LEMD3: variants seen among roughly 807,000 people sequenced by gnomAD.
The protein encoded by LEMD3 is LEM domain containing 3, also known as inner nuclear membrane protein Man1.
LEMD3 carries 33 observed loss-of-function variants against 95.2 expected under a neutral mutation model. That is an observed-to-expected ratio of 0.35 (90% CI 0.26 to 0.46). The LOEUF (loss-of-function observed/expected upper bound fraction) is 0.46, where lower values mean the gene tolerates loss of function less well. Ranked by LOEUF, LEMD3 falls within the 20% of genes least tolerant of loss-of-function variation. LEMD3 has a pLI of 1.00. For missense variants in LEMD3, 1,210 were observed against 1,192.8 expected, an observed-to-expected ratio of 1.01 and a Z score of -0.21; for synonymous variants, 525 against 474.6, an observed-to-expected ratio of 1.11 and a Z score of -1.38.
intron 1 of LEMD3, among the ~76,000 whole-genome samples, chr12:65,206,645 A>G (rs188383519): frequency 4.1e-4 from 62 of 152,184 alleles, no homozygotes; most frequent in African/African-American, 1.3e-3. Flanking sequence ...AGAAGGGGAG[A>G]GTGAATAATC....
At chr12:65,180,251 A>G (rs2136318822) in intron 1 of LEMD3, among the ~76,000 whole-genome samples, 1 of 152,056 alleles carries the variant, frequency 6.6e-6, no homozygotes, top group Admixed American at 6.6e-5. Context: ...CTGCCCTAAC[A>G]TAGATTTTAA....
intron 1 of LEMD3, among the ~76,000 whole-genome samples, chr12:65,188,967 C>G (rs950761482): frequency 2.6e-5 from 4 of 152,088 alleles, no homozygotes; most frequent in Admixed American, 2.0e-4. Context: ...CAGTATGTTT[C>G]AAGACTCCCA....
At chr12:65,211,206 G>C (rs980452925) in intron 2 of LEMD3, among the ~76,000 whole-genome samples, 2 of 152,126 alleles carry the variant, frequency 1.3e-5, no homozygotes, top group Non-Finnish European at 2.9e-5. Context: ...CTTAAGAGCT[G>C]AACTGTTTAT....
intron 1 of LEMD3, among the ~76,000 whole-genome samples, chr12:65,208,853 T>G (rs921823443): frequency 6.6e-6 from 1 of 152,160 alleles, no homozygotes; most frequent in Non-Finnish European, 1.5e-5. Flanking sequence ...AGGTATGTTA[T>G]ACTCCAGGTA....
In LEMD3 at chr12:65,206,565, T is replaced by C. The variant is rs1869769903; in HGVS notation, c.1523-4361T>C. ...TAGTATGGTACTAAATCAGAAATTA[T>C]AATTTTTTTAAACTGATGCCATGTG... On this transcript the variant is annotated intron_variant, in intron 1 of 12. Transcript: ENST00000308330. Among the ~76,000 whole-genome samples, 4 of 152,294 alleles carry C rather than the reference T, an allele frequency of 2.6e-5. No individual in the cohort carries two copies. The South Asian group carries it at 8.3e-4, about 32-fold the overall frequency.
intron 4 of LEMD3, among the ~76,000 whole-genome samples, chr12:65,236,555 A>G (rs1010347481): frequency 7.2e-5 from 11 of 152,104 alleles, no homozygotes; most frequent in African/African-American, 2.4e-4. Context: ...TGTCTCAAAA[A>G]AAAAAAAAAT....
chr12:65,225,302 C>T (rs189117142), intron 4 of LEMD3, among the ~76,000 whole-genome samples: 21 of 152,084 alleles, frequency 1.4e-4, no homozygotes, highest in South Asian at 6.2e-4. Context: ...TGTTGGGATT[C>T]GTGCATTTAA....
intron 1 of LEMD3, among the ~76,000 whole-genome samples, chr12:65,176,611 A>T (rs998684411): frequency 1.3e-4 from 20 of 152,194 alleles, no homozygotes; most frequent in African/African-American, 4.8e-4. Context: ...TAATATTTCT[A>T]TAGGAGTAGA....
chr12:65,211,139 T>C (rs1869925514), intron 2 of LEMD3, among the ~76,000 whole-genome samples, 176 bp downstream of exon 2: 1 of 152,214 alleles, frequency 6.6e-6, no homozygotes, highest in Non-Finnish European at 1.5e-5. Context: ...AACAATAGGC[T>C]TTCTTATTCT....
At chr12:65,233,236 G>A (rs1041908700) in intron 4 of LEMD3, among the ~76,000 whole-genome samples, 1 of 152,102 alleles carries the variant, frequency 6.6e-6, no homozygotes, top group East Asian at 1.9e-4. Context: ...ATATTGTTCT[G>A]CCTCTTAAGT....
rs1592463491 is a variant in LEMD3 at position 65,240,823 on chromosome 12, G to T, written c.2127-86G>T. 38 of 1,162,958 alleles carry T rather than the reference G, an allele frequency of 3.3e-5. 1 individual carries two copies. In the East Asian group the frequency reaches 9.0e-4, roughly 28 times the overall value. 72.0% of individuals were successfully genotyped at this position (1,162,958 alleles called of 1,614,324 possible). On this transcript the variant is annotated intron_variant, in intron 8 of 12. Coordinates refer to ENST00000308330, the MANE Select transcript of LEMD3 (RefSeq NM_014319.5). The stretch of plus-strand genomic sequence containing the variant: ...CCATGAGTAGTGGTAAGAACAGCTA[G>T]AGTTAACTATTACCTCAGATACTAA...
chr12:65,246,156 C>A lies in LEMD3; in HGVS notation c.2573-6C>A, dbSNP rs1871098085. 6.3e-7 allele frequency: 1 copy of A among 1,598,236 alleles called. No individual in the cohort carries two copies. Among genetic ancestry groups the A allele is most frequent in the African/African-American group, 1.3e-5 (1 of 74,608 alleles). ...GATCTAAAATATTATTTTTATCTTA[C>A]AACAGGGAAATTGGTTACAGTAAAA... On this transcript the variant is annotated splice_region_variant and splice_polypyrimidine_tract_variant and intron_variant, in intron 12 of 12. Coordinates refer to ENST00000308330, the MANE Select transcript of LEMD3 (RefSeq NM_014319.5).
chr12:65,170,346 C>T lies in LEMD3; in HGVS notation c.750C>T (p.Val250=), dbSNP rs148964879. ...GGACCGTGAATGGCAGCCGGCTTGT[C>T]CCCTACAGCTGCCGGGAAAACTATT... is the stretch of plus-strand genomic sequence containing the variant. ...ASRTVNGSRL[V]PYSCRENYSD... The change falls in exon 1 of 13, where the codon GTC becomes GTT. Residue 250 remains valine, a synonymous_variant. Coordinates refer to ENST00000308330, the MANE Select transcript of LEMD3 (RefSeq NM_014319.5). 33 of 1,608,294 alleles carry T rather than the reference C, an allele frequency of 2.1e-5. No homozygotes were observed. Among genetic ancestry groups the T allele is most frequent in the East Asian group, 1.8e-4 (8 of 44,568 alleles).
intron 1 of LEMD3, among the ~76,000 whole-genome samples, chr12:65,204,174 ATTT>A (rs879289495): frequency 1.5e-5 from 2 of 134,982 alleles, no homozygotes; most frequent in Non-Finnish European, 3.2e-5. Flanking sequence ...TTTTTTTTTC[ATTT>A]TTTTTTTTTT....
In LEMD3 at chr12:65,210,922, A is replaced by G. The variant is rs1188929840; in HGVS notation, c.1523-4A>G. ...ATACTTGTCTTTTTTTCCTTCCTTG[A>G]TAGTAGAAAACCCCTTTGGTGAAAC... On this transcript the variant is annotated splice_polypyrimidine_tract_variant and splice_region_variant and intron_variant, in intron 1 of 12. Transcript: ENST00000308330. The G allele has an allele frequency of 6.3e-7, 1 of 1,589,500 alleles. No individual in the cohort carries two copies. Among genetic ancestry groups the G allele is most frequent in the Admixed American group, 1.7e-5 (1 of 59,974 alleles).
intron 2 of LEMD3, among the ~76,000 whole-genome samples, chr12:65,214,071 T>C (rs1219777876): frequency 6.6e-6 from 1 of 152,182 alleles, no homozygotes; most frequent in Non-Finnish European, 1.5e-5. Context: ...AGCCCTGCTC[T>C]TACTTTTTTT....
At chr12:65,225,070 A>T (rs183732961) in intron 4 of LEMD3, among the ~76,000 whole-genome samples, 1 of 152,086 alleles carries the variant, frequency 6.6e-6, no homozygotes. Context: ...TTTAGCTCCA[A>T]AATTTCTGGG....
At chr12:65,241,572 A>G (rs766295144) in intron 9 of LEMD3, among the ~76,000 whole-genome samples, 1 of 151,886 alleles carries the variant, frequency 6.6e-6, no homozygotes, top group African/African-American at 2.4e-5. Context: ...ATCTTTCCAT[A>G]TTTTTCTTAA....
intron 9 of LEMD3, 79 bp downstream of exon 9, chr12:65,241,166 C>T (rs559604344): frequency 7.9e-6 from 10 of 1,259,208 alleles, no homozygotes; most frequent in South Asian, 1.2e-5. Context: ...TGAAACAGTA[C>T]AATTCAAAGA....
Sources: gnomAD v4.1 joint callset for allele counts (sites outside exome capture counted in the v4.1 genomes callset) on GRCh38, gnomAD v4.1.1 for gene constraint, MANE v1.5 for transcripts, NCBI Gene and HGNC (gene_info 2026-07-23, HGNC 2026-07-21) for gene names.